The following PTPRD variants were observed in gnomAD, a reference collection of about 807,000 sequenced individuals.
The protein encoded by PTPRD is protein tyrosine phosphatase receptor type D.
PTPRD carries 34 observed loss-of-function variants against 214.5 expected under a neutral mutation model. The observed-to-expected ratio is 0.16, with a 90% CI of 0.12 to 0.21. The LOEUF (loss-of-function observed/expected upper bound fraction) is 0.21. Among genes scored for constraint, PTPRD ranks in the 10% least tolerant of loss-of-function variants. The pLI is 1.00. For synonymous variants in PTPRD, 1,128 were observed against 845.7 expected, an observed-to-expected ratio of 1.33 and a Z score of -5.79; for missense variants, 2,545 against 2,398.7, an observed-to-expected ratio of 1.06 and a Z score of -1.27.
At chr9:10,168,754 C>G (rs1437384799) in intron 3 of PTPRD, among the ~76,000 whole-genome samples, 1 of 152,090 alleles carries the variant, frequency 6.6e-6, no homozygotes, top group Non-Finnish European at 1.5e-5. Flanking sequence ...CTTTGAGTAT[C>G]AGACAAAAGT....
intron 11 of PTPRD, among the ~76,000 whole-genome samples, chr9:8,966,180 A>G (rs1016396348): frequency 3.0e-4 from 45 of 152,198 alleles, no homozygotes; most frequent in African/African-American, 1.1e-3. Flanking sequence ...TATTACTAAA[A>G]GCAATCTATA....
intron 3 of PTPRD, among the ~76,000 whole-genome samples, chr9:10,049,626 G>C (rs1302176766): frequency 6.6e-6 from 1 of 152,112 alleles, no homozygotes; most frequent in Non-Finnish European, 1.5e-5. Flanking sequence ...TACTATGTGA[G>C]GGATATTCAT....
intron 36 of PTPRD, among the ~76,000 whole-genome samples, chr9:8,395,665 G>A (rs932262378): frequency 6.6e-6 from 1 of 151,868 alleles, no homozygotes; most frequent in African/African-American, 2.4e-5. Flanking sequence ...TGTTCTGTGG[G>A]CATCGTAGCT....
chr9:9,264,996 G>A (rs1011079236), intron 9 of PTPRD, among the ~76,000 whole-genome samples: 8 of 151,488 alleles, frequency 5.3e-5, no homozygotes, highest in African/African-American at 1.9e-4. Context: ...TAAAAGCTAA[G>A]GGTGTTCATC....
intron 10 of PTPRD, among the ~76,000 whole-genome samples, chr9:9,082,261 G>C (rs553338878): frequency 6.6e-6 from 1 of 152,006 alleles, no homozygotes; most frequent in African/African-American, 2.4e-5. Context: ...TATCCACCAC[G>C]ACCAAGTTAG....
intron 8 of PTPRD, among the ~76,000 whole-genome samples, chr9:9,548,409 T>TTC (rs1555549940): frequency 2.9e-4 from 43 of 148,110 alleles, no homozygotes; most frequent in Non-Finnish European, 5.1e-4. Flanking sequence ...TTTTTTCTTT[T>TTC]TTTTTTTTTT....
chr9:10,512,011 C>CGT (rs1157315350), intron 2 of PTPRD, among the ~76,000 whole-genome samples: 5 of 41,178 alleles, frequency 1.2e-4, no homozygotes, highest in Non-Finnish European at 2.1e-4. Flanking sequence ...TATATATATA[C>CGT]GTGTGTGTAT....
At chr9:9,167,197 C>A (rs758175156) in intron 10 of PTPRD, among the ~76,000 whole-genome samples, 18 of 150,300 alleles carry the variant, frequency 1.2e-4, no homozygotes, top group Non-Finnish European at 2.4e-4. Flanking sequence ...GCCCGTCATC[C>A]CTATCAGATT....
chr9:10,584,678 T>G (rs1567066649), intron 2 of PTPRD, among the ~76,000 whole-genome samples: 1 of 152,204 alleles, frequency 6.6e-6, no homozygotes. Context: ...CTCAATTGAA[T>G]AATGACATAT....
chr9:8,836,587 C>CTTAT (rs1406848702), intron 11 of PTPRD, among the ~76,000 whole-genome samples: 5 of 66,800 alleles, frequency 7.5e-5, no homozygotes, highest in African/African-American at 3.2e-4. Context: ...TAATAAAAAC[C>CTTAT]TTTTTTTTTT....
At chr9:9,340,458 G>C (rs1280215459) in intron 9 of PTPRD, among the ~76,000 whole-genome samples, 2 of 152,108 alleles carry the variant, frequency 1.3e-5, no homozygotes, top group East Asian at 3.9e-4. Flanking sequence ...CCAAAAATTA[G>C]TTCAAATGTA....
intron 23 of PTPRD, among the ~76,000 whole-genome samples, chr9:8,501,433 T>C (rs180945845): frequency 5.1e-4 from 78 of 152,178 alleles, no homozygotes; most frequent in Non-Finnish European, 2.9e-4. Flanking sequence ...AAGCTGCAAA[T>C]AGTGCTAGTA....
intron 2 of PTPRD, among the ~76,000 whole-genome samples, chr9:10,412,621 C>G (rs1484749494): frequency 1.5e-5 from 1 of 67,738 alleles, no homozygotes; most frequent in Admixed American, 2.0e-4. Context: ...CACGCACGCA[C>G]ACACACACAC....
intron 7 of PTPRD, among the ~76,000 whole-genome samples, chr9:9,575,717 C>CAAAAAAAAAAAAAAAAAAA (rs757614546): frequency 9.3e-4 from 31 of 33,310 alleles, no homozygotes; most frequent in Middle Eastern, 0.045. Flanking sequence ...AAGACTGTCT[C>CAAAAAAAAAAAAAAAAAAA]AAAAAAAAAA....
At chr9:8,840,745 G>A (rs1285671572) in intron 11 of PTPRD, among the ~76,000 whole-genome samples, 2 of 150,918 alleles carry the variant, frequency 1.3e-5, no homozygotes, top group Non-Finnish European at 3.0e-5. Flanking sequence ...AAAATATCAT[G>A]CCCATTCTTA....
intron 11 of PTPRD, among the ~76,000 whole-genome samples, chr9:9,001,002 G>C (rs185178397): frequency 1.3e-5 from 2 of 151,790 alleles, no homozygotes; most frequent in African/African-American, 2.4e-5. Context: ...CCCATCCATC[G>C]AACAGCCATG....
At chr9:9,723,397 T>C (rs950137745) in intron 7 of PTPRD, among the ~76,000 whole-genome samples, 7 of 152,228 alleles carry the variant, frequency 4.6e-5, no homozygotes, top group African/African-American at 1.7e-4. Context: ...ATTTTGTCTA[T>C]GCTTGTAACA....
intron 4 of PTPRD, among the ~76,000 whole-genome samples, chr9:10,027,251 A>C (rs1335232172): frequency 6.6e-6 from 1 of 152,212 alleles, no homozygotes; most frequent in African/African-American, 2.4e-5. Flanking sequence ...TAATTAAAAT[A>C]TATGTTTAGT....
chr9:9,847,188 C>G (rs2059698097), intron 5 of PTPRD, among the ~76,000 whole-genome samples: 1 of 151,932 alleles, frequency 6.6e-6, no homozygotes, highest in African/African-American at 2.4e-5. Flanking sequence ...TTTTCTTTGT[C>G]CCTGTACATG....
Sources: allele counts gnomAD v4.1 joint callset (sites outside exome capture counted in the v4.1 genomes callset), GRCh38; gene constraint gnomAD v4.1.1; transcripts MANE v1.5; gene names NCBI Gene and HGNC (gene_info 2026-07-23, HGNC 2026-07-21).